Variants in LRCH1 observed in about 807,000 individuals in gnomAD.
LRCH1 encodes the protein leucine rich repeats and calponin homology domain containing 1.
Under a neutral mutation model 94.9 loss-of-function variants are expected in LRCH1, and 23 were observed. The observed-to-expected ratio is 0.24, with a 90% confidence interval of 0.17 to 0.34. The LOEUF (loss-of-function observed/expected upper bound fraction) is 0.34, where lower values mean the gene tolerates loss of function less well. Among genes scored for constraint, LRCH1 ranks in the 10% least tolerant of loss-of-function variants. The pLI is 1.00. For missense variants in LRCH1, 790 were observed against 945.9 expected, an observed-to-expected ratio of 0.84 and a Z score of 2.16; for synonymous variants, 364 against 354.9, an observed-to-expected ratio of 1.03 and a Z score of -0.29.
chr13:46,580,345 C>T (rs1016236913), intron 1 of LRCH1, among the ~76,000 whole-genome samples: 1 of 152,098 alleles, frequency 6.6e-6, no homozygotes, highest in African/African-American at 2.4e-5. Context: ...TCATTACTTC[C>T]TTGCTAGAAT....
chr13:46,650,205 ATCT>A lies in LRCH1; in HGVS notation c.313_315del (p.Ser105del). 1 of 1,608,416 alleles carries A rather than the reference ATCT, an allele frequency of 6.2e-7. No individual in the cohort carries two copies. Among genetic ancestry groups the A allele is most frequent in the Non-Finnish European group, 8.5e-7 (1 of 1,177,330 alleles). On this transcript the variant is annotated inframe_deletion, in exon 2 of 20. Transcript: ENST00000389797. ...TATTCTCTCCTTTTCTTATAGACTT[ATCT>A]AAAAACAGACTGGTTGAAGTTCCAA... is the stretch of plus-strand genomic sequence containing the variant.
intron 16 of LRCH1, among the ~76,000 whole-genome samples, chr13:46,720,125 G>C (rs1387747414): frequency 6.6e-6 from 1 of 151,830 alleles, no homozygotes. Flanking sequence ...GGTGGCTCAC[G>C]CCTGTAATCC....
chr13:46,728,506 G>A (rs1385937600), intron 17 of LRCH1, among the ~76,000 whole-genome samples: 1 of 152,250 alleles, frequency 6.6e-6, no homozygotes, highest in Non-Finnish European at 1.5e-5. Flanking sequence ...GTGAGCCACT[G>A]TGCCCGACCA....
At chr13:46,737,947 G>A (rs191757387) in intron 19 of LRCH1, among the ~76,000 whole-genome samples, 1 of 152,240 alleles carries the variant, frequency 6.6e-6, no homozygotes, top group African/African-American at 2.4e-5. Flanking sequence ...TATTTATTTG[G>A]TTCACCAGGG....
intron 1 of LRCH1, among the ~76,000 whole-genome samples, chr13:46,617,794 C>T (rs1251949188): frequency 6.6e-6 from 1 of 152,190 alleles, no homozygotes. Context: ...ACAATAAAAG[C>T]TCTCATTCAG....
intron 19 of LRCH1, among the ~76,000 whole-genome samples, chr13:46,737,290 G>C (rs1404754283): frequency 1.3e-5 from 2 of 152,144 alleles, no homozygotes; most frequent in Non-Finnish European, 2.9e-5. Flanking sequence ...TTTTAAGACA[G>C]GGTCTCACTG....
chr13:46,610,511 A>C (rs546850697), intron 1 of LRCH1, among the ~76,000 whole-genome samples: 1 of 148,312 alleles, frequency 6.7e-6, no homozygotes, highest in African/African-American at 2.5e-5. Flanking sequence ...TAATTTCAGT[A>C]GGTTTTTGGG....
intron 16 of LRCH1, among the ~76,000 whole-genome samples, chr13:46,719,454 A>G (rs993460780): frequency 2.6e-5 from 4 of 152,238 alleles, no homozygotes; most frequent in African/African-American, 9.6e-5. Flanking sequence ...GGTGAGTGCC[A>G]TGGGAGAGAC....
At chr13:46,695,659 G>T (rs1041230126) in intron 9 of LRCH1, among the ~76,000 whole-genome samples, 4 of 152,142 alleles carry the variant, frequency 2.6e-5, no homozygotes, top group Non-Finnish European at 5.9e-5. Flanking sequence ...AGGTTGTGGT[G>T]CCCAAGAATC....
Position 46,689,804 on chromosome 13 carries a change from A to G in LRCH1, c.1014+608A>G, listed in dbSNP as rs539677594. ...CACATTAGAACTTCCTATAGTGGTT[A>G]TAAATCATGCTTTGATAACTGATTT... On this transcript the variant is annotated intron_variant, in intron 7 of 19. Coordinates refer to ENST00000389797, the MANE Select transcript of LRCH1 (RefSeq NM_001164211.2). 1.6e-4 allele frequency among the ~76,000 whole-genome samples: 25 copies of G among 152,288 alleles called. No individual in the cohort carries two copies. The South Asian group carries it at 4.1e-3, about 25-fold the overall frequency.
chr13:46,629,580 G>C (rs1325492912), intron 1 of LRCH1, among the ~76,000 whole-genome samples: 2 of 152,168 alleles, frequency 1.3e-5, no homozygotes, highest in African/African-American at 4.8e-5. Context: ...TGGGTGCTCA[G>C]TGGAACTCCA....
chr13:46,723,803 T>TA lies in LRCH1; in HGVS notation c.1869+485dup, dbSNP rs906823706. ...TGACAACAGTGAGAACTTGTCTCTT[T>TA]AAAAAAAAAAAATGGTTCCAATTGA... On this transcript the variant is annotated intron_variant, in intron 17 of 19. Coordinates refer to ENST00000389797, the MANE Select transcript of LRCH1 (RefSeq NM_001164211.2). 6.9e-4 allele frequency among the ~76,000 whole-genome samples: 100 copies of TA among 144,982 alleles called. 1 individual carries two copies. Among genetic ancestry groups the TA allele is most frequent in the Middle Eastern group, 3.6e-3 (1 of 280 alleles).
chr13:46,632,212 A>C (rs1418300993), intron 1 of LRCH1, among the ~76,000 whole-genome samples: 1 of 152,138 alleles, frequency 6.6e-6, no homozygotes, highest in African/African-American at 2.4e-5. Flanking sequence ...AAAAAAAAAA[A>C]ACAAACCTAA....
rs201219436 is a variant in LRCH1, at chr13:46,689,215, T to C, written c.1014+19T>C. The C allele has an allele frequency of 2.1e-4, 333 of 1,598,712 alleles. 1 individual carries two copies. The highest frequency in any genetic ancestry group is 1.3e-4 in the Non-Finnish European group (153 of 1,167,360). ...CACCGAGGTAAAGTTAGTGATCAGATTCTTTTCCTTCTGTACTTCTAGACA... is the reference window on the plus strand; with the variant it reads ...CACCGAGGTAAAGTTAGTGATCAGACTCTTTTCCTTCTGTACTTCTAGACA... On this transcript the variant is annotated intron_variant, in intron 7 of 19. Transcript: ENST00000389797.
Position 46,712,707 on chromosome 13 carries a change from C to T in LRCH1, c.1654+110C>T, listed in dbSNP as rs115222242. On this transcript the variant is annotated intron_variant, in intron 15 of 19. Coordinates refer to ENST00000389797, the MANE Select transcript of LRCH1 (RefSeq NM_001164211.2). ...CACATCCTTGTCAGTTCTGCTGAGC[C>T]GAAATCCTGGCATCTACAGCTAGGG... is the stretch of plus-strand genomic sequence containing the variant. 3,371 of 1,001,970 alleles carry T rather than the reference C, an allele frequency of 3.4e-3. 78 individuals are homozygous for T. The African/African-American group carries it at 0.047, about 14-fold the overall frequency. The allele number at this position is 1,001,970 out of a possible 1,614,324, so 62.1% of individuals were successfully genotyped here. A position where few individuals can be genotyped will look rare whatever the true frequency, so the allele number is the denominator to read the frequency against.
chr13:46,666,913 C>T (rs1250151778), intron 2 of LRCH1, among the ~76,000 whole-genome samples: 2 of 152,172 alleles, frequency 1.3e-5, no homozygotes, highest in African/African-American at 4.8e-5. Context: ...GGCAGAAACA[C>T]AGGCTGCTGG....
rs557144544 is a variant in LRCH1 at position 46,743,328 on chromosome 13, A to G, written c.*1480A>G. 1 of 985,890 alleles carries G rather than the reference A, an allele frequency of 1.0e-6. No individual in the cohort carries two copies. The highest frequency in any genetic ancestry group is 4.7e-5 in the South Asian group (1 of 21,286). The allele number at this position is 985,890 out of a possible 1,614,324, so 61.1% of individuals were successfully genotyped here. A position where few individuals can be genotyped will look rare whatever the true frequency, so the allele number is the denominator to read the frequency against. Reference sequence around the variant, plus strand: ...ATTCCTTGCTGCTAAGTCAGATCAGATTTGCTAACAGGAAGCATTCTTTAC... The same window carrying G: ...ATTCCTTGCTGCTAAGTCAGATCAGGTTTGCTAACAGGAAGCATTCTTTAC... On this transcript the variant is annotated 3_prime_UTR_variant, in exon 20 of 20. Coordinates refer to ENST00000389797, the MANE Select transcript of LRCH1 (RefSeq NM_001164211.2).
At chr13:46,615,469 C>T (rs1218359756) in intron 1 of LRCH1, among the ~76,000 whole-genome samples, 1 of 152,174 alleles carries the variant, frequency 6.6e-6, no homozygotes, top group Non-Finnish European at 1.5e-5. Flanking sequence ...TAGGCCTCAC[C>T]TCCAACATTG....
At chr13:46,649,947 C>A (rs2051271317) in intron 1 of LRCH1, among the ~76,000 whole-genome samples, 1 of 151,846 alleles carries the variant, frequency 6.6e-6, no homozygotes, top group Non-Finnish European at 1.5e-5. Flanking sequence ...TTTTTAGTTA[C>A]AGTAAAAAGT....
Sources: gnomAD v4.1 joint callset for allele counts (sites outside exome capture counted in the v4.1 genomes callset) on GRCh38, gnomAD v4.1.1 for gene constraint, MANE v1.5 for transcripts, NCBI Gene and HGNC (gene_info 2026-07-23, HGNC 2026-07-21) for gene names.